Variants in SNX8 observed in about 807,000 individuals in gnomAD.
SNX8 encodes sorting nexin 8.
SNX8 carries 25 observed loss-of-function variants against 51.6 expected under a neutral mutation model. The observed-to-expected ratio is 0.48, with a 90% CI of 0.35 to 0.68. The LOEUF (loss-of-function observed/expected upper bound fraction) is 0.68, where lower values mean the gene tolerates loss of function less well. Ranked by LOEUF, SNX8 falls within the 30% of genes least tolerant of loss-of-function variation. The probability of loss-of-function intolerance (pLI) is 0.00; values close to 1 mark genes in which losing one functional copy is unlikely to be tolerated. For missense variants in SNX8, 695 were observed against 624.0 expected, an observed-to-expected ratio of 1.11 and a Z score of -1.21; for synonymous variants, 324 against 277.0, an observed-to-expected ratio of 1.17 and a Z score of -1.68.
At chr7:2,311,374 T>C (rs1353997826) in intron 1 of SNX8, among the ~76,000 whole-genome samples, 2 of 152,214 alleles carry the variant, frequency 1.3e-5, no homozygotes, top group Admixed American at 1.3e-4. Flanking sequence ...TTTTCTTTGC[T>C]GTTTTTGTTT....
At position 2,302,559 on chromosome 7, in the gene SNX8, G is replaced by A. The variant is rs181245701; in HGVS notation, c.94+11769C>T. Among the ~76,000 whole-genome samples, 1,337 of 151,060 alleles carry A rather than the reference G, an allele frequency of 8.9e-3. 5 individuals are homozygous for A. The highest frequency in any genetic ancestry group is 0.013 in the Non-Finnish European group (857 of 67,968). ...AAGTGAGGAGCGTCTCTGCCTGGCC[G>A]CCCATCGTCTGGGATGTGAGGAGCC... On this transcript the variant is annotated intron_variant, in intron 1 of 10. Coordinates refer to ENST00000222990, the MANE Select transcript of SNX8 (RefSeq NM_013321.4).
chr7:2,264,399 G>T lies in SNX8; in HGVS notation c.681C>A (p.Asn227Lys). 6.2e-7 allele frequency: 1 copy of T among 1,612,752 alleles called. No individual in the cohort carries two copies. The stretch of plus-strand genomic sequence containing the variant: ...GAAGCTTGTGAAAGCTATTGTAGAT[G>T]TTCCGGATCAGCTCCCGGCTGATGG... ...QFAISRELIR[N>K]IYNSFHKLRD... Residue 227 changes from asparagine (N) to lysine (K), a missense_variant, in exon 6 of 11, where the codon AAC becomes AAA. Coordinates refer to ENST00000222990, the MANE Select transcript of SNX8 (RefSeq NM_013321.4).
chr7:2,271,223 G>C (rs747875684), intron 4 of SNX8, among the ~76,000 whole-genome samples: 10 of 152,212 alleles, frequency 6.6e-5, no homozygotes, highest in Non-Finnish European at 1.0e-4. Context: ...TTTTGTTTTG[G>C]TAGAGACGAA....
In SNX8 at chr7:2,346,711, A is replaced by G. The variant is rs191975639; in HGVS notation, c.-66+7511T>C. On this transcript the variant is annotated intron_variant, in intron 1 of 5. Transcript: ENST00000435336. Reference sequence around the variant, plus strand: ...CAGTGAGCTGAGATTGCGCCACTGCACTCCAGCCTGGGCTGGACTCCGTCT... The same window carrying G: ...CAGTGAGCTGAGATTGCGCCACTGCGCTCCAGCCTGGGCTGGACTCCGTCT... 5.5e-5 allele frequency among the ~76,000 whole-genome samples: 7 copies of G among 127,720 alleles called. No individual in the cohort carries two copies. In the Admixed American group the frequency reaches 6.3e-4, roughly 12 times the overall value. The allele number at this position is 127,720 out of a possible 152,430, so 83.8% of individuals were successfully genotyped here.
chr7:2,277,413 A>G (rs565497800), intron 2 of SNX8, among the ~76,000 whole-genome samples: 26 of 152,184 alleles, frequency 1.7e-4, no homozygotes, highest in Non-Finnish European at 2.9e-4. Flanking sequence ...TGGGGCTGAC[A>G]TTCTAATCCT....
intron 1 of SNX8, among the ~76,000 whole-genome samples, chr7:2,283,127 A>T (rs1422200456): frequency 6.6e-6 from 1 of 152,010 alleles, no homozygotes; most frequent in Non-Finnish European, 1.5e-5. Context: ...TCTCAAAAAA[A>T]AAAAAAGAAA....
At chr7:2,346,600 G>C (rs1260273051) in intron 1 of SNX8, among the ~76,000 whole-genome samples, 2 of 151,624 alleles carry the variant, frequency 1.3e-5, no homozygotes, top group East Asian at 1.9e-4. Flanking sequence ...CAAAAAATTA[G>C]CCGGGCGTGG....
rs753867783 is a variant in SNX8 at position 2,271,867 on chromosome 7, G to A, written c.523C>T (p.Leu175=). 8 of 1,611,420 alleles carry A rather than the reference G, an allele frequency of 5.0e-6. No individual in the cohort carries two copies. Among genetic ancestry groups the A allele is most frequent in the Non-Finnish European group, 6.8e-6 (8 of 1,178,934 alleles). ...FSEDVVLKLF[L]SFSGSDVQNK... is the part of the protein sequence containing the mutation. ...ACACTCACCGAGCCGCTGAAGGACA[G>A]GAAGAGCTTGAGGACCACATCCTCG... Residue 175 remains leucine, a synonymous_variant, in exon 4 of 11, where the codon CTG becomes TTG. Transcript: ENST00000222990.
chr7:2,255,097 G>T lies in SNX8; in HGVS notation c.1357C>A (p.Pro453Thr). 6.3e-7 allele frequency: 1 copy of T among 1,580,588 alleles called. No homozygotes were observed. Among genetic ancestry groups the T allele is most frequent in the South Asian group, 1.2e-5 (1 of 86,182 alleles). ...LFAGPHSTLT[P>T]PCSPPEDGLC... ...CCGTCCTCCGGCGGGGAGCACGGTGGGGTCAGGGTGCTGTGTGGTCCCGCA... is the reference window on the plus strand; with the variant it reads ...CCGTCCTCCGGCGGGGAGCACGGTGTGGTCAGGGTGCTGTGTGGTCCCGCA... Residue 453 changes from proline to threonine, a missense_variant, in exon 11 of 11, where the codon CCA (proline) becomes ACA (threonine). By Grantham distance (38) the Pro-to-Thr change is conservative. Coordinates refer to ENST00000222990, the MANE Select transcript of SNX8 (RefSeq NM_013321.4).
At chr7:2,342,885 T>C (rs531537947) in intron 1 of SNX8, among the ~76,000 whole-genome samples, 10 of 152,038 alleles carry the variant, frequency 6.6e-5, no homozygotes, top group African/African-American at 1.9e-4. Flanking sequence ...TGCAGTGGCA[T>C]GATCTCGGCT....
At chr7:2,328,142 C>G (rs1778660286) in intron 1 of SNX8, among the ~76,000 whole-genome samples, 1 of 152,188 alleles carries the variant, frequency 6.6e-6, no homozygotes, top group South Asian at 2.1e-4. Context: ...CTCTGCCTTT[C>G]AAGGATTCAA....
intron 1 of SNX8, among the ~76,000 whole-genome samples, chr7:2,306,433 T>C (rs906595171): frequency 4.6e-5 from 7 of 152,196 alleles, no homozygotes; most frequent in Admixed American, 4.6e-4. Context: ...TTAATATGGA[T>C]TCCATTTAAC....
At chr7:2,314,514 T>C (rs1460568063), upstream of SNX8, 21 of 1,091,452 alleles carry the variant, frequency 1.9e-5, no homozygotes, top group South Asian at 4.5e-5. Flanking sequence ...CCCCGCCTGG[T>C]CACGCCCCCT....
At chr7:2,327,076 G>C (rs752455619) in intron 1 of SNX8, among the ~76,000 whole-genome samples, 2 of 152,126 alleles carry the variant, frequency 1.3e-5, no homozygotes, top group Non-Finnish European at 2.9e-5. Context: ...CGCTGTCTCT[G>C]AAACTCATAG....
At chr7:2,294,556 C>T (rs1796229078) in intron 1 of SNX8, among the ~76,000 whole-genome samples, 1 of 152,172 alleles carries the variant, frequency 6.6e-6, no homozygotes, top group Non-Finnish European at 1.5e-5. Flanking sequence ...GGTCACAGAG[C>T]CAGCAAGGTG....
At chr7:2,345,571 G>A (rs533446059) in intron 1 of SNX8, among the ~76,000 whole-genome samples, 1 of 151,996 alleles carries the variant, frequency 6.6e-6, no homozygotes, top group East Asian at 1.9e-4. Context: ...CCAGCTACTT[G>A]GGAGGCTGAG....
chr7:2,306,096 G>T (rs1442421245), intron 1 of SNX8, among the ~76,000 whole-genome samples: 12 of 152,160 alleles, frequency 7.9e-5, no homozygotes. Flanking sequence ...AAAGCATTGG[G>T]ATTACAGGCA....
chr7:2,352,991 C>G (rs1484989847), intron 1 of SNX8, among the ~76,000 whole-genome samples: 1 of 152,060 alleles, frequency 6.6e-6, no homozygotes. Flanking sequence ...CTTTTTCGCT[C>G]TTTTAAACAC....
intron 1 of SNX8, among the ~76,000 whole-genome samples, chr7:2,307,403 C>CG (rs372625970): frequency 0.03 from 4,569 of 151,908 alleles, 229 homozygotes; most frequent in African/African-American, 0.1. Flanking sequence ...GAAGCCAAGG[C>CG]GGGGGGATCA....
Sources: gnomAD v4.1 joint callset for allele counts (sites outside exome capture counted in the v4.1 genomes callset) on GRCh38, gnomAD v4.1.1 for gene constraint, MANE v1.5 for transcripts, NCBI Gene and HGNC (gene_info 2026-07-23, HGNC 2026-07-21) for gene names.